Variants in TDRD15 observed in about 807,000 individuals in gnomAD.
TDRD15 encodes tudor domain-containing protein 15.
For synonymous variants in TDRD15, 503 were observed against 314.5 expected (o/e 1.60, Z -6.34); for missense variants, 1,416 against 904.7 (o/e 1.57, Z -7.25).
Position 21,139,621 on chromosome 2 carries a change from G to T in TDRD15, c.2154G>T (p.Leu718Phe), listed in dbSNP as rs1479383271. The stretch of plus-strand genomic sequence containing the variant: ...CAAATAACCTGGTGGAAAATAACTT[G>T]TCTTTGCCAAAGTCCCTAGCTGTTA... The part of the protein sequence containing the change: ...YHSNNLVENN[L>F]SLPKSLAVNI... Residue 718 changes from leucine to phenylalanine, a missense_variant, in exon 4 of 4, where the codon TTG becomes TTT. Coordinates refer to ENST00000405799, the MANE Select transcript of TDRD15 (RefSeq NM_001306137.2). 4.2e-6 allele frequency: 3 copies of T among 715,010 alleles called. No individual in the cohort carries two copies. The highest frequency in any genetic ancestry group is 3.0e-5 in the South Asian group (2 of 67,324). 44.3% of individuals were successfully genotyped at this position (715,010 alleles called of 1,614,324 possible).
At chr2:21,133,851 T>C (rs973097368) in intron 2 of TDRD15, among the ~76,000 whole-genome samples, 7 of 152,088 alleles carry the variant, frequency 4.6e-5, no homozygotes, top group African/African-American at 2.4e-5. Context: ...ATGCTAAGTG[T>C]AAAATGTACA....
rs1343696154 is a variant in TDRD15, at chr2:21,134,750, T to C, written c.-89-12T>C. 1.3e-5 allele frequency: 2 copies of C among 151,820 alleles called. No individual in the cohort carries two copies. Among genetic ancestry groups the C allele is most frequent in the Non-Finnish European group, 2.9e-5 (2 of 67,852 alleles). 9.4% of individuals were successfully genotyped at this position (151,820 alleles called of 1,614,324 possible). A position where few individuals can be genotyped will look rare whatever the true frequency, so the allele number is the denominator to read the frequency against. On this transcript the variant is annotated splice_polypyrimidine_tract_variant and intron_variant, in intron 2 of 3. Coordinates refer to ENST00000405799, the MANE Select transcript of TDRD15 (RefSeq NM_001306137.2). Reference sequence around the variant, plus strand: ...GAAAAATCCTAATTTAATTAAACTTTTCATTTTACAGATTTAGAGTCTGAT... The same window carrying C: ...GAAAAATCCTAATTTAATTAAACTTCTCATTTTACAGATTTAGAGTCTGAT...
In TDRD15 at chr2:21,143,253, C is replaced by A; in HGVS notation, c.5786C>A (p.Ser1929Tyr). The change falls in exon 4 of 4, where the codon TCT becomes TAT. Residue 1929 changes from serine to tyrosine, a missense_variant. Transcript: ENST00000405799. The part of the protein sequence containing the change: ...PHLDAITATE[S>Y]AKNPI Reference sequence around the variant, plus strand: ...CTTGATGCAATTACTGCTACTGAATCTGCTAAAAATCCAATATAAATTACA... The same window carrying A: ...CTTGATGCAATTACTGCTACTGAATATGCTAAAAATCCAATATAAATTACA... 3.3e-6 allele frequency: 2 copies of A among 603,932 alleles called. No individual in the cohort carries two copies. The highest frequency in any genetic ancestry group is 2.1e-5 in the South Asian group (1 of 46,610). The allele number at this position is 603,932 out of a possible 1,614,324, so 37.4% of individuals were successfully genotyped here. A position where few individuals can be genotyped will look rare whatever the true frequency, so the allele number is the denominator to read the frequency against.
chr2:21,134,907 G>GTAAAA (rs1665779183), intron 3 of TDRD15, 60 bp downstream of exon 3: 1 of 150,648 alleles, frequency 6.6e-6, no homozygotes, highest in South Asian at 2.1e-4. Flanking sequence ...ATAAGGGTTG[G>GTAAAA]ATCTAGAACA....
At chr2:21,125,745 C>T (rs577278651) in intron 1 of TDRD15, among the ~76,000 whole-genome samples, 1 of 152,074 alleles carries the variant, frequency 6.6e-6, no homozygotes, top group South Asian at 2.1e-4. Flanking sequence ...TTTCCAGTTC[C>T]ATCTCCTAAT....
chr2:21,126,149 T>C (rs1416467418), intron 1 of TDRD15, among the ~76,000 whole-genome samples: 1 of 152,320 alleles, frequency 6.6e-6, no homozygotes, highest in East Asian at 1.9e-4. Context: ...AACGACATCG[T>C]AAGCATATCC....
At chr2:21,137,329 A>G (rs1665826730) in intron 3 of TDRD15, 136 bp from the exon 4 acceptor site, 1 of 459,182 alleles carries the variant, frequency 2.2e-6, no homozygotes. Flanking sequence ...TTCGATATGT[A>G]TAATTTTTAT....
chr2:21,146,975 G>A (rs1054012352), downstream of TDRD15, among the ~76,000 whole-genome samples: 8 of 152,078 alleles, frequency 5.3e-5, no homozygotes, highest in African/African-American at 1.9e-4. Flanking sequence ...ACTCTTCTGT[G>A]CCTCAGTTTC....
chr2:21,128,302 AT>A (rs1269121984), intron 2 of TDRD15, among the ~76,000 whole-genome samples: 1 of 150,196 alleles, frequency 6.7e-6, no homozygotes, highest in Non-Finnish European at 1.5e-5. Context: ...TTTTTTTTAA[AT>A]CTGTCATTTG....
rs1449064968 is a variant in TDRD15, at chr2:21,140,401, A to G, written c.2934A>G (p.Gln978=). The stretch of plus-strand genomic sequence containing the variant: ...ATATATCTCACATATATAGTCCCCA[A>G]AAGTTTTATTGCCAGCTTGGCAGAA... The part of the protein sequence containing the change: ...EVYISHIYSP[Q]KFYCQLGRNN... Residue 978 remains glutamine (Q), a synonymous_variant, in exon 4 of 4, where the codon CAA becomes CAG. Transcript: ENST00000405799. 2.9e-6 allele frequency: 2 copies of G among 694,314 alleles called. No individual in the cohort carries two copies. The highest frequency in any genetic ancestry group is 1.6e-5 in the South Asian group (1 of 62,790). The allele number at this position is 694,314 out of a possible 1,614,324, so 43.0% of individuals were successfully genotyped here.
At chr2:21,131,083 C>T (rs961702448) in intron 2 of TDRD15, among the ~76,000 whole-genome samples, 1 of 152,116 alleles carries the variant, frequency 6.6e-6, no homozygotes, top group Non-Finnish European at 1.5e-5. Flanking sequence ...AAGCTCCTCA[C>T]TTTAAGGAAA....
chr2:21,129,540 T>C (rs1665678386), intron 2 of TDRD15, among the ~76,000 whole-genome samples: 1 of 152,236 alleles, frequency 6.6e-6, no homozygotes, highest in Non-Finnish European at 1.5e-5. Flanking sequence ...TTGCCTGTTT[T>C]TAGATTGCAT....
In TDRD15 at chr2:21,137,597, C is replaced by G. The variant is rs1042970845; in HGVS notation, c.130C>G (p.His44Asp). 47 of 715,288 alleles carry G rather than the reference C, an allele frequency of 6.6e-5. No homozygotes were observed. The highest frequency in any genetic ancestry group is 1.1e-4 in the Non-Finnish European group (41 of 384,112). The allele number at this position is 715,288 out of a possible 1,614,324, so 44.3% of individuals were successfully genotyped here. A position where few individuals can be genotyped will look rare whatever the true frequency, so the allele number is the denominator to read the frequency against. The change falls in exon 4 of 4, where the codon CAT (histidine) becomes GAT (aspartate). Residue 44 changes from histidine to aspartate, a missense_variant. His to Asp is a moderately conservative substitution (Grantham distance 81). Coordinates refer to ENST00000405799, the MANE Select transcript of TDRD15 (RefSeq NM_001306137.2). ...GAGTAATGAATGTGAGTTTGACTAC[C>G]ATGTATTGCAGAGAGAAATACAACA... Reference protein sequence around the residue: ...IKSNECEFDYHVLQREIQHTP... With the variant: ...IKSNECEFDYDVLQREIQHTP...
rs777190732 is a variant in TDRD15, at chr2:21,141,162, G to C, written c.3695G>C (p.Gly1232Ala). The C allele has an allele frequency of 7.0e-6, 5 of 714,424 alleles. No homozygotes were observed. In the South Asian group the frequency reaches 7.5e-5, roughly 11 times the overall value. 44.3% of individuals were successfully genotyped at this position (714,424 alleles called of 1,614,324 possible). ...AAAATGAAGACTTCTTTGAATGATG[G>C]GCTTAAAGGTATAAAAATTGTCCCT... ...KNKMKTSLND[G>A]LKGIKIVPGA... Residue 1232 changes from glycine to alanine, a missense_variant, in exon 4 of 4, where the codon GGG becomes GCG. Physicochemically the swap from Gly to Ala is moderately conservative, Grantham distance 60. Transcript: ENST00000405799.
Position 21,141,676 on chromosome 2 carries a change from G to C in TDRD15, c.4209G>C (p.Gln1403His). ...ELQREFLTVP[Q>H]LGIHAFLSGV... ...AGAGGGAATTTTTAACTGTTCCTCAGCTAGGAATCCATGCTTTTCTTAGTG... is the reference window on the plus strand; with the variant it reads ...AGAGGGAATTTTTAACTGTTCCTCACCTAGGAATCCATGCTTTTCTTAGTG... The change falls in exon 4 of 4, where the codon CAG becomes CAC. Residue 1403 changes from glutamine (Q) to histidine (H), a missense_variant. Physicochemically the swap from Gln to His is conservative, Grantham distance 24 (BLOSUM62 0). Transcript: ENST00000405799. The C allele has an allele frequency of 1.4e-6, 1 of 715,322 alleles. No individual in the cohort carries two copies. Among genetic ancestry groups the C allele is most frequent in the Non-Finnish European group, 2.6e-6 (1 of 383,584 alleles). The allele number at this position is 715,322 out of a possible 1,614,324, so 44.3% of individuals were successfully genotyped here.
chr2:21,140,882 C>A lies in TDRD15; in HGVS notation c.3415C>A (p.Leu1139Ile). 1.4e-6 allele frequency: 1 copy of A among 709,492 alleles called. No individual in the cohort carries two copies. The highest frequency in any genetic ancestry group is 2.6e-6 in the Non-Finnish European group (1 of 382,074). The allele number at this position is 709,492 out of a possible 1,614,324, so 43.9% of individuals were successfully genotyped here. A position where few individuals can be genotyped will look rare whatever the true frequency, so the allele number is the denominator to read the frequency against. The stretch of plus-strand genomic sequence containing the variant: ...TATAAATGAGAAAATTAAAGTGTTG[C>A]TTCATGCTTATGGAAAAAGACATTG... ...QYINEKIKVLLHAYGKRHCDQ... is the reference protein window; with the variant it reads ...QYINEKIKVLIHAYGKRHCDQ... The change falls in exon 4 of 4, where the codon CTT becomes ATT. Residue 1139 changes from leucine (L) to isoleucine (I), a missense_variant. By Grantham distance (5) the Leu-to-Ile change is conservative. Transcript: ENST00000405799.
chr2:21,132,939 G>T (rs894260041), intron 2 of TDRD15, among the ~76,000 whole-genome samples: 4 of 151,844 alleles, frequency 2.6e-5, no homozygotes, highest in Admixed American at 1.3e-4. Flanking sequence ...GATATTCAGC[G>T]GCATCCCTGG....
At position 21,143,513 on chromosome 2, in the gene TDRD15, C is replaced by A. The variant is rs770801794; in HGVS notation, c.*241C>A. On this transcript the variant is annotated 3_prime_UTR_variant, in exon 4 of 4. Transcript: ENST00000405799. ...AGTACCATTTTGTTTGATACATGTA[C>A]AACAGCTTCATTTTGGGAACTGCCT... 6.6e-6 allele frequency among the ~76,000 whole-genome samples: 1 copy of A among 151,446 alleles called. No individual in the cohort carries two copies. The highest frequency in any genetic ancestry group is 1.5e-5 in the Non-Finnish European group (1 of 67,582).
chr2:21,126,718 G>T (rs2103434406), intron 1 of TDRD15, among the ~76,000 whole-genome samples: 1 of 152,206 alleles, frequency 6.6e-6, no homozygotes, highest in East Asian at 1.9e-4. Context: ...TTATTGTGTT[G>T]ACAAACATTT....
Sources: allele counts gnomAD v4.1 joint callset (sites outside exome capture counted in the v4.1 genomes callset), GRCh38; gene constraint gnomAD v4.1.1; transcripts MANE v1.5; gene names NCBI Gene and HGNC (gene_info 2026-07-23, HGNC 2026-07-21).